The following SPATA17 variants were observed in gnomAD, a reference collection of about 807,000 sequenced individuals.
SPATA17 encodes the protein spermatogenesis-associated protein 17.
Under a neutral mutation model 62.2 loss-of-function variants are expected in SPATA17, and 53 were observed. That is an observed-to-expected ratio of 0.85 (90% CI 0.68 to 1.07). SPATA17 has a LOEUF of 1.07. Among genes scored for constraint, SPATA17 ranks in the 50% least tolerant of loss-of-function variants. The pLI, the probability that SPATA17 is intolerant of heterozygous loss-of-function variation, is 0.00. For synonymous variants in SPATA17, 146 were observed against 146.8 expected, an observed-to-expected ratio of 0.99 and a Z score of 0.04; for missense variants, 466 against 425.5, an observed-to-expected ratio of 1.10 and a Z score of -0.84.
chr1:217,861,407 A>G (rs1675895128), intron 9 of SPATA17, among the ~76,000 whole-genome samples: 1 of 147,524 alleles, frequency 6.8e-6, no homozygotes, highest in Admixed American at 6.8e-5. Flanking sequence ...ATATATATTT[A>G]TAAAAATAAA....
chr1:217,632,427 A>T (rs1669820027), intron 1 of SPATA17, among the ~76,000 whole-genome samples: 1 of 152,190 alleles, frequency 6.6e-6, no homozygotes, highest in Admixed American at 6.5e-5. Context: ...CTATTATGGA[A>T]TACAGTGACA....
At chr1:217,719,685 T>C (rs1274920759) in intron 5 of SPATA17, among the ~76,000 whole-genome samples, 1 of 152,148 alleles carries the variant, frequency 6.6e-6, no homozygotes, top group Non-Finnish European at 1.5e-5. Flanking sequence ...ACTTTTAAAA[T>C]GAACAAAAGG....
chr1:217,728,518 A>T (rs1672322627), intron 5 of SPATA17, among the ~76,000 whole-genome samples: 1 of 152,136 alleles, frequency 6.6e-6, no homozygotes, highest in Non-Finnish European at 1.5e-5. Context: ...CAATATTAAG[A>T]TTAATTTTTT....
intron 9 of SPATA17, among the ~76,000 whole-genome samples, chr1:217,809,131 A>C (rs959195227): frequency 3.3e-5 from 5 of 152,230 alleles, no homozygotes; most frequent in African/African-American, 1.2e-4. Context: ...TTTTAAGGAC[A>C]TTATAAATAT....
intron 9 of SPATA17, among the ~76,000 whole-genome samples, chr1:217,812,453 A>G (rs1487418177): frequency 6.6e-6 from 1 of 152,148 alleles, no homozygotes; most frequent in East Asian, 1.9e-4. Context: ...ATAATTTTTG[A>G]AAGTGTGAAA....
intron 9 of SPATA17, among the ~76,000 whole-genome samples, chr1:217,849,762 C>T (rs971697924): frequency 1.3e-5 from 2 of 152,048 alleles, no homozygotes; most frequent in African/African-American, 4.8e-5. Flanking sequence ...GGAAGATTTT[C>T]CTGGAGTGTT....
intron 4 of SPATA17, among the ~76,000 whole-genome samples, chr1:217,676,507 G>C (rs1438822641): frequency 6.6e-6 from 1 of 152,144 alleles, no homozygotes; most frequent in Non-Finnish European, 1.5e-5. Flanking sequence ...TGCTAGGACT[G>C]ATAAAGTCAA....
chr1:217,667,987 A>G (rs971483860), intron 3 of SPATA17, among the ~76,000 whole-genome samples: 33 of 152,232 alleles, frequency 2.2e-4, no homozygotes, highest in Non-Finnish European at 2.9e-5. Context: ...GGATCAGACC[A>G]GGCAATTCAA....
intron 9 of SPATA17, among the ~76,000 whole-genome samples, chr1:217,856,991 G>A (rs998410352): frequency 6.6e-6 from 1 of 152,124 alleles, no homozygotes; most frequent in African/African-American, 2.4e-5. Context: ...GTATTTATAC[G>A]TAGCGAGAAG....
intron 5 of SPATA17, among the ~76,000 whole-genome samples, chr1:217,716,061 T>A (rs933358362): frequency 6.6e-6 from 1 of 152,166 alleles, no homozygotes; most frequent in Non-Finnish European, 1.5e-5. Flanking sequence ...GCAGCTCCAA[T>A]ATACTCACCA....
intron 9 of SPATA17, among the ~76,000 whole-genome samples, chr1:217,827,055 C>G (rs1675016325): frequency 6.6e-6 from 1 of 151,960 alleles, no homozygotes; most frequent in Non-Finnish European, 1.5e-5. Flanking sequence ...TATTCTAAAT[C>G]TCTAATGCTC....
At chr1:217,778,723 A>G (rs1041355901) in intron 7 of SPATA17, among the ~76,000 whole-genome samples, 2 of 152,198 alleles carry the variant, frequency 1.3e-5, no homozygotes, top group Non-Finnish European at 2.9e-5. Flanking sequence ...ACCACACTAT[A>G]CAATATTCAC....
At chr1:217,799,662 A>C (rs144270690) in intron 8 of SPATA17, among the ~76,000 whole-genome samples, 16 of 152,078 alleles carry the variant, frequency 1.1e-4, no homozygotes, top group African/African-American at 3.9e-4. Flanking sequence ...ATTTATTAAT[A>C]AATATTAAAA....
intron 5 of SPATA17, among the ~76,000 whole-genome samples, chr1:217,735,717 T>C (rs2102944128): frequency 6.6e-6 from 1 of 152,248 alleles, no homozygotes; most frequent in Admixed American, 6.5e-5. Context: ...CAGGAAACGA[T>C]GGAGGTTTTG....
intron 10 of SPATA17, among the ~76,000 whole-genome samples, chr1:217,864,547 A>G (rs1012256653): frequency 2.6e-5 from 4 of 152,070 alleles, no homozygotes; most frequent in African/African-American, 7.2e-5. Flanking sequence ...GTGTATGTAT[A>G]AAAACACACT....
At chr1:217,737,922 T>C in intron 5 of SPATA17, 1 of 152,910 alleles carries the variant, frequency 6.5e-6, no homozygotes, top group Non-Finnish European at 1.5e-5. Flanking sequence ...CCTCCCAGGT[T>C]CAAGCGATTC....
chr1:217,712,619 C>T (rs1671903797), intron 5 of SPATA17, among the ~76,000 whole-genome samples: 1 of 152,122 alleles, frequency 6.6e-6, no homozygotes, highest in Admixed American at 6.5e-5. Flanking sequence ...TTCCTTCCTA[C>T]CCTCCTACTG....
At chr1:217,797,600 G>C (rs1293435083) in intron 8 of SPATA17, among the ~76,000 whole-genome samples, 1 of 152,066 alleles carries the variant, frequency 6.6e-6, no homozygotes, top group Non-Finnish European at 1.5e-5. Context: ...TTAGAGTTAA[G>C]ATTAATTTTT....
intron 9 of SPATA17, among the ~76,000 whole-genome samples, chr1:217,841,658 C>G (rs1293305126): frequency 2.6e-5 from 4 of 151,880 alleles, no homozygotes; most frequent in Non-Finnish European, 5.9e-5. Flanking sequence ...CACGGTGGCT[C>G]ATGCCTGTAA....
Sources: allele counts gnomAD v4.1 joint callset (sites outside exome capture counted in the v4.1 genomes callset), GRCh38; gene constraint gnomAD v4.1.1; transcripts MANE v1.5; gene names NCBI Gene and HGNC (gene_info 2026-07-23, HGNC 2026-07-21).